Variants in NBPF11 observed in about 807,000 individuals in gnomAD.
The protein encoded by NBPF11 is NBPF member 11.
NBPF11 carries 72 observed loss-of-function variants against 93.9 expected under a neutral mutation model. The observed-to-expected ratio is 0.77, with a 90% confidence interval of 0.63 to 0.93. The LOEUF is 0.93. Among genes scored for constraint, NBPF11 ranks in the 40% least tolerant of loss-of-function variants. NBPF11 has a pLI of 0.00. For missense variants in NBPF11, 705 were observed against 802.2 expected, an observed-to-expected ratio of 0.88 and a Z score of 1.46; for synonymous variants, 224 against 304.9, an observed-to-expected ratio of 0.73 and a Z score of 2.76.
At chr1:148,104,275 C>A (rs1223014409) in intron 23 of NBPF11, among the ~76,000 whole-genome samples, 1 of 144,996 alleles carries the variant, frequency 6.9e-6, no homozygotes, top group Non-Finnish European at 1.5e-5. Flanking sequence ...AATAGTTTTC[C>A]ATAAAATATG....
rs1467493735 is a variant in NBPF11 at position 148,122,922 on chromosome 1, A to G, written c.494-121T>C. 3.2e-6 allele frequency: 5 copies of G among 1,569,694 alleles called. No homozygotes were observed. In the Admixed American group the frequency reaches 6.8e-5, roughly 21 times the overall value. ...GTTCAGCATTGTACTGAAAACTCTC[A>G]TGTTTTATCCTTCACAAAATGCCCT... On this transcript the variant is annotated intron_variant, in intron 7 of 23. Transcript: ENST00000682118.
chr1:148,140,224 C>T (rs1480333211), intron 2 of NBPF11, among the ~76,000 whole-genome samples: 17 of 151,932 alleles, frequency 1.1e-4, no homozygotes, highest in African/African-American at 4.1e-4. Flanking sequence ...GCTGGACAAC[C>T]ACATGCAAAG....
chr1:148,151,991 AT>A lies in NBPF11; in HGVS notation c.-791del, dbSNP rs1471134569. 6.6e-6 allele frequency: 1 copy of A among 152,146 alleles called. No individual in the cohort carries two copies. The highest frequency in any genetic ancestry group is 1.5e-5 in the Non-Finnish European group (1 of 68,196). 9.4% of individuals were successfully genotyped at this position (152,146 alleles called of 1,614,324 possible). On this transcript the variant is annotated 5_prime_UTR_variant, in exon 1 of 24. Coordinates refer to ENST00000682118, the MANE Select transcript of NBPF11 (RefSeq NM_001385469.3). ...GGCCCGCTGGCTCCTCAGGGTCCGG[AT>A]GGGCCGTGTCAGGAGAGCCCAAGGC...
chr1:148,116,292 T>C (rs1398963812), intron 13 of NBPF11, among the ~76,000 whole-genome samples, 171 bp downstream of exon 13: 120 of 152,096 alleles, frequency 7.9e-4, no homozygotes, highest in African/African-American at 2.3e-3. Flanking sequence ...TCGGCACACA[T>C]AGAGAAACAT....
rs1378398546 is a variant in NBPF11, at chr1:148,121,241, G to A, written c.779-531C>T. On this transcript the variant is annotated intron_variant, in intron 9 of 23. Coordinates refer to ENST00000682118, the MANE Select transcript of NBPF11 (RefSeq NM_001385469.3). ...GTATTTTTAGTAGAGATGGGGTTTC[G>A]CCATCTTGGACAGGCTGGTTTCGAA... Among the ~76,000 whole-genome samples the A allele has an allele frequency of 7.3e-5, 11 of 151,468 alleles. 1 individual carries two copies. Among genetic ancestry groups the A allele is most frequent in the African/African-American group, 1.2e-4 (5 of 40,998 alleles).
chr1:148,146,376 G>A (rs1673073739), intron 1 of NBPF11: 7 of 1,561,002 alleles, frequency 4.5e-6, no homozygotes, highest in African/African-American at 2.8e-5. Context: ...GTGGAGGCCC[G>A]GCCCGGGCGG....
chr1:148,142,057 G>A lies in NBPF11; in HGVS notation c.-277+1358C>T, dbSNP rs1245171567. 6.9e-5 allele frequency among the ~76,000 whole-genome samples: 10 copies of A among 145,716 alleles called. No homozygotes were observed. The South Asian group carries it at 1.8e-3, about 27-fold the overall frequency. On this transcript the variant is annotated intron_variant, in intron 2 of 23. Coordinates refer to ENST00000682118, the MANE Select transcript of NBPF11 (RefSeq NM_001385469.3). ...GGGAGGAAGGAAGGCAGGGAGGGAG[G>A]GAGGAAGGGAGGAAGAAAGGAAGGG...
At chr1:148,125,635 T>C (rs1414654338) in intron 5 of NBPF11, among the ~76,000 whole-genome samples, 1 of 152,040 alleles carries the variant, frequency 6.6e-6, no homozygotes, top group Non-Finnish European at 1.5e-5. Flanking sequence ...ATAAGATTAG[T>C]TTGTGTTAAT....
intron 2 of NBPF11, among the ~76,000 whole-genome samples, chr1:148,139,121 G>A (rs1286160270): frequency 1.3e-5 from 2 of 151,438 alleles, no homozygotes; most frequent in African/African-American, 2.4e-5. Context: ...AAATAAAGAC[G>A]GTTCACTACT....
chr1:148,121,365 T>TTTTTTTTG (rs1208452574), intron 9 of NBPF11, among the ~76,000 whole-genome samples: 1 of 145,464 alleles, frequency 6.9e-6, no homozygotes, highest in African/African-American at 2.6e-5. Flanking sequence ...TTTTTTTTTT[T>TTTTTTTTG]GAGATGCAGT....
intron 3 of NBPF11, among the ~76,000 whole-genome samples, chr1:148,137,260 C>T (rs1445250522): frequency 1.3e-5 from 2 of 151,694 alleles, no homozygotes; most frequent in Non-Finnish European, 2.9e-5. Flanking sequence ...AGAAGGACTC[C>T]ATAAGTTGTT....
intron 1 of NBPF11, chr1:148,146,923 T>C: frequency 6.2e-7 from 1 of 1,606,702 alleles, no homozygotes; most frequent in Non-Finnish European, 8.5e-7. Context: ...GCGCACCAGG[T>C]GAGGGCGACC....
intron 4 of NBPF11, among the ~76,000 whole-genome samples, chr1:148,128,902 AAGCGGCGGTGCG>A (rs1571465859): frequency 6.8e-6 from 1 of 146,542 alleles, no homozygotes; most frequent in African/African-American, 2.5e-5. Flanking sequence ...AAACATTTAG[AAGCGGCGGTGCG>A]AGCATGTTCT....
rs1468905157 is a variant in NBPF11, at chr1:148,108,553, G to A, written c.1955C>T (p.Ser652Leu). The change falls in exon 18 of 24, where the codon TCA becomes TTA. Residue 652 changes from serine to leucine, a missense_variant. This residue lies in a region of NBPF11 where 97 missense variants were observed against 65.0 expected (regional missense o/e 1.49). Transcript: ENST00000682118. ...TPSVYLGLTD[S>L]CQPYRSAFYV... ...AAAGGCACTTCTGTAGGGCTGGCATGAGTCAGTCAGTCCAAGATAAACTGA... is the reference window on the plus strand; with the variant it reads ...AAAGGCACTTCTGTAGGGCTGGCATAAGTCAGTCAGTCCAAGATAAACTGA... The A allele has an allele frequency of 3.7e-6, 6 of 1,603,766 alleles. No homozygotes were observed. Among genetic ancestry groups the A allele is most frequent in the Middle Eastern group, 2.2e-4 (1 of 4,500 alleles).
intron 21 of NBPF11, 87 bp downstream of exon 21, chr1:148,106,094 T>A: frequency 1.7e-6 from 1 of 578,686 alleles, no homozygotes; most frequent in South Asian, 2.0e-5. Context: ...AAAGATGTAA[T>A]CGATAATGTC....
At position 148,147,544 on chromosome 1, in the gene NBPF11, C is replaced by T. The variant is rs1382471579; in HGVS notation, c.-548-3858G>A. Among the ~76,000 whole-genome samples, 16 of 152,122 alleles carry T rather than the reference C, an allele frequency of 1.1e-4. No homozygotes were observed. The Middle Eastern group carries it at 0.01, about 97-fold the overall frequency. ...GCGCCCGGGCCAGTGCTGCTTTGGACGAGGAGACCCGGCTGGGCCTCTGGT... is the reference window on the plus strand; with the variant it reads ...GCGCCCGGGCCAGTGCTGCTTTGGATGAGGAGACCCGGCTGGGCCTCTGGT... On this transcript the variant is annotated intron_variant, in intron 1 of 23. Coordinates refer to ENST00000682118, the MANE Select transcript of NBPF11 (RefSeq NM_001385469.3).
At position 148,103,690 on chromosome 1, in the gene NBPF11, C is replaced by A; in HGVS notation, c.*206G>T. 5.6e-6 allele frequency: 9 copies of A among 1,611,150 alleles called. No individual in the cohort carries two copies. Among genetic ancestry groups the A allele is most frequent in the South Asian group, 4.4e-5 (4 of 90,986 alleles). On this transcript the variant is annotated 3_prime_UTR_variant, in exon 24 of 24. Transcript: ENST00000682118. ...CTGCTTATTGTGGGAATATGACTCC[C>A]ATCTGGAAGACCAGGTGGAGACTTC...
At chr1:148,119,336 T>C (rs1667286943) in intron 10 of NBPF11, among the ~76,000 whole-genome samples, 2 of 151,196 alleles carry the variant, frequency 1.3e-5, no homozygotes, top group South Asian at 4.1e-4. Flanking sequence ...GAAGAACTAA[T>C]AGATAGTGTT....
chr1:148,132,263 G>A lies in NBPF11; in HGVS notation c.-36+3409C>T, dbSNP rs587686119. ...TTTGTGTGTGTGTGTGTGGGGGTGTGTATACATATATATATGTCCTAAGAA... is the reference window on the plus strand; with the variant it reads ...TTTGTGTGTGTGTGTGTGGGGGTGTATATACATATATATATGTCCTAAGAA... On this transcript the variant is annotated intron_variant, in intron 4 of 23. Transcript: ENST00000682118. Among the ~76,000 whole-genome samples the A allele has an allele frequency of 6.6e-4, 97 of 145,898 alleles. No homozygotes were observed. In the South Asian group the frequency reaches 0.011, roughly 17 times the overall value.
Sources: gnomAD v4.1 joint callset for allele counts (sites outside exome capture counted in the v4.1 genomes callset) on GRCh38, gnomAD v4.1.1 for gene constraint, gnomAD v4.1.1 regional missense constraint, MANE v1.5 for transcripts, NCBI Gene and HGNC (gene_info 2026-07-23, HGNC 2026-07-21) for gene names.